Variants in MAN1C1 observed in about 807,000 individuals in gnomAD.
The protein encoded by MAN1C1 is mannosyl-oligosaccharide 1,2-alpha-mannosidase IC.
MAN1C1 carries 49 observed loss-of-function variants against 71.5 expected under a neutral mutation model. The observed-to-expected ratio is 0.69, with a 90% CI of 0.54 to 0.87. The LOEUF (loss-of-function observed/expected upper bound fraction) is 0.87. Among genes scored for constraint, MAN1C1 ranks in the 40% least tolerant of loss-of-function variants. The pLI is 0.00. For synonymous variants in MAN1C1, 352 were observed against 343.7 expected (o/e 1.02, Z -0.27); for missense variants, 743 against 835.0 (o/e 0.89, Z 1.36).
At chr1:25,622,923 A>T (rs913915082) in intron 1 of MAN1C1, among the ~76,000 whole-genome samples, 1 of 152,206 alleles carries the variant, frequency 6.6e-6, no homozygotes, top group African/African-American at 2.4e-5. Flanking sequence ...AGGTAGGAAA[A>T]TTAAAAGGCT....
intron 1 of MAN1C1, among the ~76,000 whole-genome samples, chr1:25,651,823 G>GT (rs2045696811): frequency 6.6e-6 from 1 of 152,216 alleles, no homozygotes; most frequent in Non-Finnish European, 1.5e-5. Context: ...CTGATTTCAG[G>GT]TGTTTCCTCA....
At chr1:25,632,434 T>C (rs2045394655) in intron 1 of MAN1C1, among the ~76,000 whole-genome samples, 1 of 152,194 alleles carries the variant, frequency 6.6e-6, no homozygotes, top group African/African-American at 2.4e-5. Flanking sequence ...CAATTTTGTT[T>C]ATCTTTTCAA....
intron 2 of MAN1C1, among the ~76,000 whole-genome samples, chr1:25,727,061 A>C (rs775147163): frequency 2.0e-5 from 3 of 152,100 alleles, no homozygotes; most frequent in Non-Finnish European, 4.4e-5. Context: ...TGTTTCCAAA[A>C]AAAAAAGTAA....
At chr1:25,632,920 T>G (rs2045405263) in intron 1 of MAN1C1, among the ~76,000 whole-genome samples, 1 of 146,462 alleles carries the variant, frequency 6.8e-6, no homozygotes, top group African/African-American at 2.6e-5. Flanking sequence ...CAGTCTGGAG[T>G]GCAGTGGCAC....
intron 5 of MAN1C1, among the ~76,000 whole-genome samples, chr1:25,757,643 G>A (rs1462352425): frequency 2.6e-5 from 4 of 152,210 alleles, no homozygotes; most frequent in African/African-American, 4.8e-5. Flanking sequence ...ATGCAGGCAC[G>A]GAGGCATGCG....
At position 25,764,041 on chromosome 1, in the gene MAN1C1, C is replaced by T; in HGVS notation, c.1141+74C>T. The T allele has an allele frequency of 7.9e-7, 1 of 1,269,572 alleles. No individual in the cohort carries two copies. Among genetic ancestry groups the T allele is most frequent in the Non-Finnish European group, 1.1e-6 (1 of 872,124 alleles). The allele number at this position is 1,269,572 out of a possible 1,614,324, so 78.6% of individuals were successfully genotyped here. A position where few individuals can be genotyped will look rare whatever the true frequency, so the allele number is the denominator to read the frequency against. On this transcript the variant is annotated intron_variant, in intron 7 of 11. Transcript: ENST00000374332. The surrounding 1 kb of genome is among the most constrained non-coding windows in gnomAD (Gnocchi z 4.4). ...GCTTCCTAGGAAGACCCTGCCAGGC[C>T]CCTGGGCTGAGTGAGGATGTGTCTG...
At chr1:25,639,279 T>C (rs542082990) in intron 1 of MAN1C1, among the ~76,000 whole-genome samples, 2 of 152,318 alleles carry the variant, frequency 1.3e-5, no homozygotes, top group South Asian at 4.1e-4. Flanking sequence ...AAAGCATATT[T>C]ATAATAGCTT....
chr1:25,688,973 A>G (rs1268646968), intron 2 of MAN1C1, among the ~76,000 whole-genome samples: 1 of 152,174 alleles, frequency 6.6e-6, no homozygotes, highest in Non-Finnish European at 1.5e-5. Flanking sequence ...CGTTCCTAGC[A>G]GTGAGGCAGA....
intron 1 of MAN1C1, among the ~76,000 whole-genome samples, chr1:25,647,026 T>A (rs900290487): frequency 2.0e-5 from 3 of 152,140 alleles, no homozygotes; most frequent in Admixed American, 1.3e-4. Context: ...CTTTACACTC[T>A]CAATAGCAGT....
Position 25,655,093 on chromosome 1 carries a change from A to G in MAN1C1, c.541-31347A>G, listed in dbSNP as rs372909060. On this transcript the variant is annotated intron_variant, in intron 1 of 11. Transcript: ENST00000374332. The stretch of plus-strand genomic sequence containing the variant: ...TGTGCTTGTGCTTTTTTAAAACAAA[A>G]GCAAAGCTGACACCATATCTCCAAT... Among the ~76,000 whole-genome samples the G allele has an allele frequency of 2.0e-5, 3 of 152,360 alleles. No individual in the cohort carries two copies. The East Asian group carries it at 5.8e-4, about 29-fold the overall frequency.
At chr1:25,683,628 C>G (rs925388074) in intron 1 of MAN1C1, among the ~76,000 whole-genome samples, 3 of 150,794 alleles carry the variant, frequency 2.0e-5, no homozygotes, top group Admixed American at 6.6e-5. Flanking sequence ...CAGCTGGGAC[C>G]TGAAGGAAGA....
Position 25,779,978 on chromosome 1 carries a change from A to G in MAN1C1, c.1478-962A>G, listed in dbSNP as rs368760678. On this transcript the variant is annotated intron_variant, in intron 9 of 11. Transcript: ENST00000374332. This position sits in a 1 kb window ranked among gnomAD's most constrained non-coding sequence, Gnocchi z 4.6. ...GAAGGATCTGGCCCTCATACCCTACATGTTGGGCCTATGAGGGTTAGACCC... is the reference window on the plus strand; with the variant it reads ...GAAGGATCTGGCCCTCATACCCTACGTGTTGGGCCTATGAGGGTTAGACCC... Among the ~76,000 whole-genome samples, 13 of 152,230 alleles carry G rather than the reference A, an allele frequency of 8.5e-5. No individual in the cohort carries two copies. Among genetic ancestry groups the G allele is most frequent in the African/African-American group, 2.2e-4 (9 of 41,548 alleles).
intron 2 of MAN1C1, among the ~76,000 whole-genome samples, chr1:25,692,884 G>A (rs2046326166): frequency 6.6e-6 from 1 of 152,178 alleles, no homozygotes; most frequent in South Asian, 2.1e-4. Context: ...GTACTCAGGG[G>A]TCGAACAGAA....
At position 25,783,983 on chromosome 1, in the gene MAN1C1, T is replaced by G; in HGVS notation, c.*194T>G. On this transcript the variant is annotated 3_prime_UTR_variant, in exon 12 of 12. Coordinates refer to ENST00000374332, the MANE Select transcript of MAN1C1 (RefSeq NM_020379.4). ...ACTCAGCGATGTCAGGCCAGGGCCATGGCCACACTGGCCCACACATTCCTT... is the reference window on the plus strand; with the variant it reads ...ACTCAGCGATGTCAGGCCAGGGCCAGGGCCACACTGGCCCACACATTCCTT... 3.1e-6 allele frequency: 2 copies of G among 635,790 alleles called. No individual in the cohort carries two copies. Among genetic ancestry groups the G allele is most frequent in the South Asian group, 2.1e-5 (1 of 47,038 alleles). The allele number at this position is 635,790 out of a possible 1,614,324, so 39.4% of individuals were successfully genotyped here. A position where few individuals can be genotyped will look rare whatever the true frequency, so the allele number is the denominator to read the frequency against.
chr1:25,697,045 C>G (rs1447118856), intron 2 of MAN1C1, among the ~76,000 whole-genome samples: 6 of 152,080 alleles, frequency 3.9e-5, no homozygotes, highest in Admixed American at 3.3e-4. Flanking sequence ...GTGCTTTTTT[C>G]CTTGTTATTG....
At chr1:25,771,952 T>G in intron 8 of MAN1C1, 180 bp downstream of exon 8, 3 of 594,624 alleles carry the variant, frequency 5.0e-6, no homozygotes, top group Non-Finnish European at 9.0e-6. Flanking sequence ...TTTTACACCC[T>G]GCGACCCTCC....
At chr1:25,685,670 A>G (rs559671720) in intron 1 of MAN1C1, among the ~76,000 whole-genome samples, 54 of 152,294 alleles carry the variant, frequency 3.5e-4, no homozygotes, top group African/African-American at 1.1e-3. Flanking sequence ...CCACATAGGA[A>G]GAACTTGTGC....
chr1:25,769,112 C>G lies in MAN1C1; in HGVS notation c.1142-2545C>G, dbSNP rs1306640216. ...TATCACCCACACTCCCTCCCACACA[C>G]ACACCACACACTCCCTTCACACACT... On this transcript the variant is annotated intron_variant, in intron 7 of 11. Coordinates refer to ENST00000374332, the MANE Select transcript of MAN1C1 (RefSeq NM_020379.4). The surrounding 1 kb of genome is among the most constrained non-coding windows in gnomAD (Gnocchi z 4.8). Among the ~76,000 whole-genome samples, 1 of 147,980 alleles carries G rather than the reference C, an allele frequency of 6.8e-6. No homozygotes were observed. Among genetic ancestry groups the G allele is most frequent in the Non-Finnish European group, 1.5e-5 (1 of 66,700 alleles).
rs1186616266 is a variant in MAN1C1 at position 25,676,334 on chromosome 1, C to T, written c.541-10106C>T. Among the ~76,000 whole-genome samples the T allele has an allele frequency of 6.6e-5, 10 of 152,212 alleles. No individual in the cohort carries two copies. In the East Asian group the frequency reaches 1.9e-3, roughly 29 times the overall value. The stretch of plus-strand genomic sequence containing the variant: ...GGAGGCAGCATCTCCCCTTCTACTC[C>T]CCCGCTTCACCTCCCCGGGCAACCA... On this transcript the variant is annotated intron_variant, in intron 1 of 11. Transcript: ENST00000374332.
Sources: allele counts gnomAD v4.1 joint callset (sites outside exome capture counted in the v4.1 genomes callset), GRCh38; gene constraint gnomAD v4.1.1; non-coding constraint Gnocchi (gnomAD v3.1); transcripts MANE v1.5; gene names NCBI Gene and HGNC (gene_info 2026-07-23, HGNC 2026-07-21).